The following TULP4 variants were observed in gnomAD, a reference collection of about 807,000 sequenced individuals.
TULP4 encodes the protein tubby-related protein 4.
TULP4 carries 16 observed loss-of-function variants against 129.0 expected under a neutral mutation model. The ratio of observed to expected loss-of-function variants is 0.12; its 90% CI spans 0.08 to 0.19. The LOEUF (loss-of-function observed/expected upper bound fraction) is 0.19. TULP4 is among the 10% of genes least tolerant of loss of function. The pLI, the probability that TULP4 is intolerant of heterozygous loss-of-function variation, is 1.00. For missense variants in TULP4, 1,842 were observed against 2,059.1 expected (o/e 0.89, Z 2.04); for synonymous variants, 998 against 854.0 (o/e 1.17, Z -2.94).
intron 1 of TULP4, among the ~76,000 whole-genome samples, chr6:158,293,457 A>G (rs827867): frequency 0.13 from 20,284 of 152,270 alleles, 1,719 homozygotes; most frequent in African/African-American, 0.23. Flanking sequence ...AATTGCAGGT[A>G]GCATAAAAAT....
chr6:158,322,938 C>T (rs1005190613), intron 1 of TULP4, among the ~76,000 whole-genome samples: 2 of 152,120 alleles, frequency 1.3e-5, no homozygotes, highest in African/African-American at 4.8e-5. Flanking sequence ...GATCTTTGAG[C>T]AGGGCCTTGA....
At chr6:158,311,445 C>T (rs1490268178), upstream of TULP4, among the ~76,000 whole-genome samples, 1 of 152,110 alleles carries the variant, frequency 6.6e-6, no homozygotes, top group African/African-American at 2.4e-5. Flanking sequence ...GGACTTCAGG[C>T]AGTAGGAAGA....
At chr6:158,393,235 G>C (rs551417066) in intron 1 of TULP4, among the ~76,000 whole-genome samples, 1 of 152,324 alleles carries the variant, frequency 6.6e-6, no homozygotes, top group East Asian at 1.9e-4. Context: ...CTTTGGGCAG[G>C]TCTGCCCCTG....
At chr6:158,279,376 G>A (rs749979186), upstream of TULP4, among the ~76,000 whole-genome samples, 6 of 152,078 alleles carry the variant, frequency 3.9e-5, no homozygotes, top group East Asian at 1.9e-4. Flanking sequence ...GCTTTAGTAC[G>A]TCTTTATGAT....
chr6:158,306,249 A>C (rs1779215057), intron 1 of TULP4, among the ~76,000 whole-genome samples: 1 of 152,220 alleles, frequency 6.6e-6, no homozygotes, highest in South Asian at 2.1e-4. Context: ...ACCTTAATAA[A>C]ATAGTTATTT....
upstream of TULP4, among the ~76,000 whole-genome samples, chr6:158,308,994 A>G (rs1391841340): frequency 6.2e-5 from 7 of 113,656 alleles, no homozygotes; most frequent in Non-Finnish European, 1.3e-4. Context: ...TGACCCCCCC[A>G]CCTCCCTCCC....
intron 6 of TULP4, among the ~76,000 whole-genome samples, chr6:158,469,333 G>C (rs1246052349): frequency 1.3e-5 from 2 of 151,696 alleles, no homozygotes; most frequent in East Asian, 3.9e-4. Flanking sequence ...GAGTGCAGTG[G>C]CATGATCTTA....
intron 1 of TULP4, among the ~76,000 whole-genome samples, chr6:158,239,367 ACCC>A (rs1562490298): frequency 3.7e-5 from 1 of 26,998 alleles, no homozygotes; most frequent in African/African-American, 1.2e-4. Flanking sequence ...GGGGGCTGAC[ACCC>A]CCCACCTCCC....
In TULP4 at chr6:158,454,608, C is replaced by CTT. The variant is rs374123610; in HGVS notation, c.859+2353_859+2354dup. Among the ~76,000 whole-genome samples the CTT allele has an allele frequency of 3.9e-4, 56 of 143,232 alleles. No homozygotes were observed. The South Asian group carries it at 4.0e-3, about 10-fold the overall frequency. 94.0% of individuals were successfully genotyped at this position (143,232 alleles called of 152,430 possible). A position where few individuals can be genotyped will look rare whatever the true frequency, so the allele number is the denominator to read the frequency against. On this transcript the variant is annotated intron_variant, in intron 5 of 13. Transcript: ENST00000367097. Reference sequence around the variant, plus strand: ...CAAGGTATTGGAGCAACAGTTCTCTCTTTTTTTTTTTTTTGAGATGGAGTT... The same window carrying CTT: ...CAAGGTATTGGAGCAACAGTTCTCTCTTTTTTTTTTTTTTTTGAGATGGAGTT...
chr6:158,233,892 G>T (rs1207579728), intron 1 of TULP4, among the ~76,000 whole-genome samples: 2 of 152,236 alleles, frequency 1.3e-5, no homozygotes, highest in Non-Finnish European at 2.9e-5. Flanking sequence ...TAGGGCTGTG[G>T]AAGTAGCAGG....
intron 1 of TULP4, among the ~76,000 whole-genome samples, chr6:158,235,761 T>C (rs1446017812): frequency 6.6e-6 from 1 of 152,254 alleles, no homozygotes; most frequent in African/African-American, 2.4e-5. Flanking sequence ...TGGTACTTCA[T>C]GATGATCAGG....
chr6:158,415,528 ATT>A (rs34468141), intron 2 of TULP4, among the ~76,000 whole-genome samples: 3 of 135,622 alleles, frequency 2.2e-5, no homozygotes, highest in South Asian at 2.4e-4. Flanking sequence ...TTTTTTTTGT[ATT>A]TTTTTTTTTT....
intron 1 of TULP4, among the ~76,000 whole-genome samples, chr6:158,260,500 CG>C (rs1245371935): frequency 4.6e-4 from 68 of 148,920 alleles, no homozygotes; most frequent in Non-Finnish European, 1.8e-4. Context: ...GGCATGAACC[CG>C]GGGGGCGGAG....
chr6:158,455,334 A>G (rs866559985), intron 5 of TULP4, among the ~76,000 whole-genome samples: 19 of 23,836 alleles, frequency 8.0e-4, no homozygotes, highest in Middle Eastern at 0.017. Context: ...TCGGCCTCCC[A>G]AAGTGCTGGG....
intron 1 of TULP4, among the ~76,000 whole-genome samples, chr6:158,349,021 C>T (rs374444808): frequency 0.05 from 1,012 of 20,150 alleles, no homozygotes; most frequent in Middle Eastern, 0.15. Flanking sequence ...ACTTCCCAGA[C>T]GGGGCAGCCG....
At chr6:158,283,961 G>A (rs1163634878) in intron 1 of TULP4, among the ~76,000 whole-genome samples, 1 of 152,186 alleles carries the variant, frequency 6.6e-6, no homozygotes, top group Non-Finnish European at 1.5e-5. Flanking sequence ...AAAGTGAAAA[G>A]TGGTAGATAA....
intron 6 of TULP4, among the ~76,000 whole-genome samples, chr6:158,463,914 A>G (rs1356455500): frequency 6.6e-6 from 1 of 152,164 alleles, no homozygotes; most frequent in African/African-American, 2.4e-5. Flanking sequence ...TTACATTATT[A>G]TACAACCAAT....
At chr6:158,423,731 A>G (rs1437455168) in intron 2 of TULP4, among the ~76,000 whole-genome samples, 5 of 152,004 alleles carry the variant, frequency 3.3e-5, no homozygotes, top group East Asian at 1.9e-4. Flanking sequence ...AGCTCTGCCT[A>G]CTGGGTTCAT....
In TULP4 at chr6:158,367,707, G is replaced by A. The variant is rs1284547463; in HGVS notation, c.253-45358G>A. ...AGAATGAATTTGATTCCGTCAGGTG[G>A]TTCTCAAAGATTCTTTTATTGTGAA... On this transcript the variant is annotated intron_variant, in intron 1 of 13. Transcript: ENST00000367097. Among the ~76,000 whole-genome samples the A allele has an allele frequency of 2.0e-5, 3 of 152,080 alleles. No homozygotes were observed. In the South Asian group the frequency reaches 6.2e-4, roughly 32 times the overall value.
Sources: allele counts gnomAD v4.1 joint callset (sites outside exome capture counted in the v4.1 genomes callset), GRCh38; gene constraint gnomAD v4.1.1; transcripts MANE v1.5; gene names NCBI Gene and HGNC (gene_info 2026-07-23, HGNC 2026-07-21).